Variants in ADAM29 observed in about 807,000 individuals in gnomAD.
The protein encoded by ADAM29 is ADAM metallopeptidase domain 29.
For missense variants in ADAM29, 969 were observed against 1,001.8 expected (o/e 0.97, Z 0.44); for synonymous variants, 367 against 342.3 (o/e 1.07, Z -0.80).
chr4:174,963,134 CATA>C (rs762300250), intron 4 of ADAM29, among the ~76,000 whole-genome samples: 1 of 151,732 alleles, frequency 6.6e-6, no homozygotes. Context: ...TGGGAAAACA[CATA>C]ATAAGGAAAA....
chr4:174,937,537 T>A (rs1227796826), intron 4 of ADAM29, among the ~76,000 whole-genome samples: 4 of 152,006 alleles, frequency 2.6e-5, no homozygotes, highest in African/African-American at 7.2e-5. Flanking sequence ...TCCCATTTCA[T>A]CAGGTGATTT....
chr4:174,958,276 A>G lies in ADAM29; in HGVS notation c.-180-17070A>G, dbSNP rs79253042. On this transcript the variant is annotated intron_variant, in intron 4 of 4. Coordinates refer to ENST00000359240, the MANE Select transcript of ADAM29 (RefSeq NM_014269.4). ...GGGAATTATCCAACTATAATAGCAA[A>G]TTTGTGTCTTTCTCTTTTCAGTTCT... 4.9e-3 allele frequency among the ~76,000 whole-genome samples: 748 copies of G among 151,754 alleles called. 6 individuals carry two copies. Among genetic ancestry groups the G allele is most frequent in the African/African-American group, 0.017 (700 of 41,496 alleles).
intron 4 of ADAM29, among the ~76,000 whole-genome samples, chr4:174,972,518 C>A (rs1220553708): frequency 6.6e-6 from 1 of 152,000 alleles, no homozygotes; most frequent in Non-Finnish European, 1.5e-5. Flanking sequence ...CCAGACCCAT[C>A]AGAGATCCAA....
At chr4:174,921,706 A>C (rs988906284) in intron 2 of ADAM29, among the ~76,000 whole-genome samples, 1 of 152,150 alleles carries the variant, frequency 6.6e-6, no homozygotes. Context: ...GTTTTACATA[A>C]ATTGAATCAT....
intron 3 of ADAM29, among the ~76,000 whole-genome samples, chr4:174,934,757 A>G (rs1744105761): frequency 6.6e-6 from 1 of 152,154 alleles, no homozygotes; most frequent in Non-Finnish European, 1.5e-5. Flanking sequence ...CCGCTGTTGT[A>G]GTTAACTTTT....
Position 174,978,095 on chromosome 4 carries a change from G to A in ADAM29, c.*107G>A, listed in dbSNP as rs1168114909. The stretch of plus-strand genomic sequence containing the variant: ...AGTCAACCTCATGTGACACCTTACC[G>A]GAGTAAAAGTGGTAAACAAAAGCAA... On this transcript the variant is annotated 3_prime_UTR_variant, in exon 5 of 5. Transcript: ENST00000359240. The A allele has an allele frequency of 1.9e-5, 29 of 1,520,160 alleles. No individual in the cohort carries two copies. Among genetic ancestry groups the A allele is most frequent in the South Asian group, 7.6e-5 (6 of 78,646 alleles). The allele number at this position is 1,520,160 out of a possible 1,614,324, so 94.2% of individuals were successfully genotyped here. A position where few individuals can be genotyped will look rare whatever the true frequency, so the allele number is the denominator to read the frequency against.
chr4:174,971,711 T>C (rs1332891231), intron 4 of ADAM29, among the ~76,000 whole-genome samples: 1 of 152,188 alleles, frequency 6.6e-6, no homozygotes, highest in Non-Finnish European at 1.5e-5. Context: ...TTGGGAACTT[T>C]TGGGCTTCAT....
intron 4 of ADAM29, among the ~76,000 whole-genome samples, chr4:174,937,291 G>A (rs1000609446): frequency 6.6e-6 from 1 of 151,876 alleles, no homozygotes; most frequent in African/African-American, 2.4e-5. Context: ...AAAGAGTTAC[G>A]CAAATGATGA....
intron 3 of ADAM29, 108 bp downstream of exon 3, chr4:174,931,282 G>A (rs1379243138): frequency 2.6e-5 from 4 of 152,102 alleles, no homozygotes; most frequent in African/African-American, 9.7e-5. Context: ...CTTCTAAACA[G>A]CAATGCCAAC....
chr4:174,953,113 C>T (rs1230677436), intron 4 of ADAM29, among the ~76,000 whole-genome samples: 3 of 152,012 alleles, frequency 2.0e-5, no homozygotes, highest in African/African-American at 4.8e-5. Flanking sequence ...GATGAAACCC[C>T]GTCTCTATTA....
intron 3 of ADAM29, among the ~76,000 whole-genome samples, chr4:174,931,749 T>C (rs73869044): frequency 0.18 from 27,013 of 151,964 alleles, 2,937 homozygotes; most frequent in African/African-American, 0.3. Context: ...TTTGTCTCTA[T>C]TTTCATTTAA....
chr4:174,960,666 G>A (rs1019090326), intron 4 of ADAM29, among the ~76,000 whole-genome samples: 4 of 152,142 alleles, frequency 2.6e-5, no homozygotes, highest in East Asian at 1.9e-4. Context: ...TGTTTTGGAC[G>A]CCTCTTTGAT....
chr4:174,926,762 C>T (rs1163238080), intron 2 of ADAM29, among the ~76,000 whole-genome samples: 2 of 147,392 alleles, frequency 1.4e-5, no homozygotes, highest in Non-Finnish European at 3.0e-5. Flanking sequence ...CAAAACATAA[C>T]ACTGTTTCCC....
rs150121074 is a variant in ADAM29, at chr4:174,940,337, A to G, written c.-181+3324A>G. Among the ~76,000 whole-genome samples, 233 of 152,314 alleles carry G rather than the reference A, an allele frequency of 1.5e-3. 13 individuals are homozygous for G. The East Asian group carries it at 0.026, about 17-fold the overall frequency. On this transcript the variant is annotated intron_variant, in intron 4 of 4. Transcript: ENST00000359240. ...ATTTAGAGTTATTTATGTAGATATA[A>G]CATGAGATATTAATAGACAAAACCG... is the stretch of plus-strand genomic sequence containing the variant.
chr4:174,965,722 A>G (rs1190532731), intron 4 of ADAM29, among the ~76,000 whole-genome samples: 1 of 152,022 alleles, frequency 6.6e-6, no homozygotes, highest in East Asian at 1.9e-4. Flanking sequence ...CTGTGTCTGT[A>G]TTTCAGAGGA....
At chr4:174,947,835 T>C (rs959247400) in intron 4 of ADAM29, among the ~76,000 whole-genome samples, 1 of 152,198 alleles carries the variant, frequency 6.6e-6, no homozygotes, top group African/African-American at 2.4e-5. Context: ...ATACTGTCAA[T>C]TGGAGGTGAA....
intron 2 of ADAM29, among the ~76,000 whole-genome samples, chr4:174,929,260 T>A (rs1743703773): frequency 6.6e-6 from 1 of 152,202 alleles, no homozygotes; most frequent in African/African-American, 2.4e-5. Context: ...AAGGCACATT[T>A]TGTACCACCT....
chr4:174,947,290 G>A (rs909076183), intron 4 of ADAM29, among the ~76,000 whole-genome samples: 3 of 151,980 alleles, frequency 2.0e-5, no homozygotes, highest in Non-Finnish European at 2.9e-5. Flanking sequence ...TCTTCTGCTA[G>A]CTTTGGGGTT....
chr4:174,947,730 G>A (rs1744934716), intron 4 of ADAM29, among the ~76,000 whole-genome samples: 2 of 152,212 alleles, frequency 1.3e-5, no homozygotes, highest in Non-Finnish European at 2.9e-5. Context: ...TACTTGGGTA[G>A]AGAGTTCTCT....
Sources: gnomAD v4.1 joint callset for allele counts (sites outside exome capture counted in the v4.1 genomes callset) on GRCh38, gnomAD v4.1.1 for gene constraint, MANE v1.5 for transcripts, NCBI Gene and HGNC (gene_info 2026-07-23, HGNC 2026-07-21) for gene names.